The following GPC6 variants were observed in gnomAD, a reference collection of about 807,000 sequenced individuals.
GPC6 encodes glypican 6, also known as glypican-6.
A neutral mutation model predicts 55.2 loss-of-function variants in GPC6; 14 were observed. That is an observed-to-expected ratio of 0.25 (90% CI 0.17 to 0.40). GPC6 has a LOEUF of 0.40. GPC6 is among the 10% of genes least tolerant of loss of function. The pLI, the probability that GPC6 is intolerant of heterozygous loss-of-function variation, is 1.00. For missense variants in GPC6, 641 were observed against 708.5 expected, an observed-to-expected ratio of 0.90 and a Z score of 1.08; for synonymous variants, 278 against 259.6, an observed-to-expected ratio of 1.07 and a Z score of -0.68.
intron 3 of GPC6, among the ~76,000 whole-genome samples, chr13:94,006,948 C>T (rs1472705014): frequency 2.0e-5 from 3 of 152,156 alleles, no homozygotes; most frequent in Admixed American, 6.5e-5. Flanking sequence ...CTCATGTTTT[C>T]CATTTTCTGG....
chr13:94,267,621 C>T (rs1326322416), intron 4 of GPC6, among the ~76,000 whole-genome samples: 1 of 152,178 alleles, frequency 6.6e-6, no homozygotes, highest in Non-Finnish European at 1.5e-5. Context: ...AATTTCCCTA[C>T]CATTACCACT....
chr13:93,541,870 G>A (rs1272795951), intron 1 of GPC6, among the ~76,000 whole-genome samples: 1 of 151,328 alleles, frequency 6.6e-6, no homozygotes, highest in African/African-American at 2.4e-5. Flanking sequence ...TTTTTGATGG[G>A]GTTGTTTTTT....
At chr13:94,207,130 C>T (rs1889928939) in intron 4 of GPC6, among the ~76,000 whole-genome samples, 1 of 152,114 alleles carries the variant, frequency 6.6e-6, no homozygotes, top group African/African-American at 2.4e-5. Flanking sequence ...ACAATACAGG[C>T]TTTTCCAGGC....
At chr13:94,365,130 C>A (rs1879231782) in intron 6 of GPC6, among the ~76,000 whole-genome samples, 1 of 152,188 alleles carries the variant, frequency 6.6e-6, no homozygotes, top group African/African-American at 2.4e-5. Flanking sequence ...GGCCCACAAC[C>A]ATGATGAATA....
intron 1 of GPC6, among the ~76,000 whole-genome samples, chr13:93,383,160 T>C (rs1875250887): frequency 6.6e-6 from 1 of 152,174 alleles, no homozygotes; most frequent in African/African-American, 2.4e-5. Context: ...ATATCTCCAG[T>C]GCATTTGATA....
chr13:93,544,146 A>AG (rs2139431929), intron 1 of GPC6, among the ~76,000 whole-genome samples: 1 of 148,288 alleles, frequency 6.7e-6, no homozygotes, highest in East Asian at 2.2e-4. Flanking sequence ...CAGTAAAAAA[A>AG]GAAAAAAAAA....
chr13:93,949,610 C>T (rs1240125860), intron 3 of GPC6, among the ~76,000 whole-genome samples: 1 of 152,118 alleles, frequency 6.6e-6, no homozygotes. Context: ...AGCCTGGCAG[C>T]TTGGTATATT....
chr13:94,040,351 A>G (rs543040807), intron 4 of GPC6, among the ~76,000 whole-genome samples: 1 of 151,830 alleles, frequency 6.6e-6, no homozygotes, highest in Non-Finnish European at 1.5e-5. Context: ...TGGTTTCTGG[A>G]CATTAAGTCC....
At chr13:94,019,780 G>A (rs1882626236) in intron 3 of GPC6, among the ~76,000 whole-genome samples, 1 of 152,046 alleles carries the variant, frequency 6.6e-6, no homozygotes, top group Non-Finnish European at 1.5e-5. Flanking sequence ...CATTTTGTCA[G>A]GATTCTATTT....
intron 3 of GPC6, among the ~76,000 whole-genome samples, chr13:93,947,615 G>A (rs1437745660): frequency 1.3e-5 from 2 of 152,122 alleles, no homozygotes; most frequent in African/African-American, 4.8e-5. Context: ...CATGTAAAAC[G>A]CTGTAGAGGA....
intron 2 of GPC6, among the ~76,000 whole-genome samples, chr13:93,624,132 C>G (rs577131441): frequency 7.3e-6 from 1 of 136,552 alleles, no homozygotes; most frequent in African/African-American, 2.7e-5. Flanking sequence ...TTTTTTTTTC[C>G]TCTTCACTGT....
chr13:93,817,900 A>G (rs1218607805), intron 2 of GPC6, among the ~76,000 whole-genome samples: 2 of 149,368 alleles, frequency 1.3e-5, no homozygotes, highest in Admixed American at 6.7e-5. Context: ...ATAGATATAA[A>G]TTTATAAAAA....
intron 1 of GPC6, among the ~76,000 whole-genome samples, chr13:93,271,993 G>T (rs1877544480): frequency 6.6e-6 from 1 of 152,048 alleles, no homozygotes; most frequent in African/African-American, 2.4e-5. Context: ...AAGTTTTATA[G>T]ATTCTGGAGT....
chr13:93,260,701 C>T (rs530013780), intron 1 of GPC6, among the ~76,000 whole-genome samples: 2 of 152,086 alleles, frequency 1.3e-5, no homozygotes, highest in South Asian at 4.2e-4. Context: ...ATAGACTTGG[C>T]CAAACTTTGG....
intron 4 of GPC6, among the ~76,000 whole-genome samples, chr13:94,282,516 G>C (rs762430417): frequency 3.3e-5 from 5 of 152,136 alleles, no homozygotes; most frequent in Non-Finnish European, 7.3e-5. Context: ...AATGAGATTT[G>C]GGTGGGGACA....
rs2139235925 is a variant in GPC6 at position 94,404,433 on chromosome 13, T to A, written c.*1216T>A. On this transcript the variant is annotated 3_prime_UTR_variant, in exon 9 of 9. Transcript: ENST00000377047. ...TAACTTCTTAATTCCAAGCTCAGGG[T>A]TGACACACCTTTGTAAGAAAATGTT... is the stretch of plus-strand genomic sequence containing the variant. 6.6e-6 allele frequency: 1 copy of A among 151,918 alleles called. No individual in the cohort carries two copies. Among genetic ancestry groups the A allele is most frequent in the Admixed American group, 6.6e-5 (1 of 15,248 alleles). 9.4% of individuals were successfully genotyped at this position (151,918 alleles called of 1,614,324 possible). A position where few individuals can be genotyped will look rare whatever the true frequency, so the allele number is the denominator to read the frequency against.
chr13:93,466,694 C>T lies in GPC6; in HGVS notation c.161-78569C>T, dbSNP rs188158804. Among the ~76,000 whole-genome samples, 155 of 152,122 alleles carry T rather than the reference C, an allele frequency of 1.0e-3. 2 individuals carry two copies. The highest frequency in any genetic ancestry group is 2.8e-3 in the Admixed American group (43 of 15,266). On this transcript the variant is annotated intron_variant, in intron 1 of 8. Transcript: ENST00000377047. ...CAGGGTCCTTGTTTCTCAAAGAATACGCATTCTAGTATATAATTTGGCATG... is the reference window on the plus strand; with the variant it reads ...CAGGGTCCTTGTTTCTCAAAGAATATGCATTCTAGTATATAATTTGGCATG...
At chr13:94,186,501 C>T (rs1889192124) in intron 4 of GPC6, among the ~76,000 whole-genome samples, 1 of 152,020 alleles carries the variant, frequency 6.6e-6, no homozygotes, top group African/African-American at 2.4e-5. Context: ...TAATGGGTTG[C>T]TCAATTTTAC....
intron 1 of GPC6, among the ~76,000 whole-genome samples, chr13:93,258,996 T>G (rs1261189885): frequency 6.6e-6 from 1 of 152,056 alleles, no homozygotes; most frequent in South Asian, 2.1e-4. Flanking sequence ...CCATGGTAAC[T>G]TCTGAAGCTG....
Sources: allele counts gnomAD v4.1 joint callset (sites outside exome capture counted in the v4.1 genomes callset), GRCh38; gene constraint gnomAD v4.1.1; transcripts MANE v1.5; gene names NCBI Gene and HGNC (gene_info 2026-07-23, HGNC 2026-07-21).